RIC1: variants seen among roughly 807,000 people sequenced by gnomAD.
RIC1 encodes the protein guanine nucleotide exchange factor subunit RIC1.
A neutral mutation model predicts 169.0 loss-of-function variants in RIC1; 88 were observed. That is an observed-to-expected ratio of 0.52 (90% confidence interval 0.44 to 0.62). The LOEUF (loss-of-function observed/expected upper bound fraction) is 0.62, where lower values mean the gene tolerates loss of function less well. RIC1 is among the 20% of genes least tolerant of loss of function. RIC1 has a pLI of 0.00. For missense variants in RIC1, 1,877 were observed against 1,725.5 expected (o/e 1.09, Z -1.56); for synonymous variants, 790 against 601.5 (o/e 1.31, Z -4.59).
At chr9:5,670,612 T>C (rs888930210) in intron 2 of RIC1, among the ~76,000 whole-genome samples, 1 of 152,218 alleles carries the variant, frequency 6.6e-6, no homozygotes, top group Non-Finnish European at 1.5e-5. Context: ...CATTTTTATA[T>C]ATAAAATCCA....
chr9:5,724,363 C>G (rs1213319521), intron 6 of RIC1, among the ~76,000 whole-genome samples: 2 of 152,088 alleles, frequency 1.3e-5, no homozygotes, highest in African/African-American at 4.8e-5. Flanking sequence ...CTGTGTTTGT[C>G]TGTTATTGGT....
chr9:5,647,882 G>T (rs1818594537), intron 1 of RIC1, among the ~76,000 whole-genome samples: 1 of 143,654 alleles, frequency 7.0e-6, no homozygotes, highest in Non-Finnish European at 1.5e-5. Context: ...GTTACAAGTT[G>T]TTGTTTTGTT....
intron 2 of RIC1, among the ~76,000 whole-genome samples, chr9:5,678,850 T>G (rs1333113802): frequency 6.6e-6 from 1 of 152,168 alleles, no homozygotes; most frequent in Non-Finnish European, 1.5e-5. Context: ...TTAGTTGAAT[T>G]AGATCCCATT....
intron 3 of RIC1, among the ~76,000 whole-genome samples, chr9:5,703,380 A>G (rs1223060460): frequency 6.6e-6 from 1 of 152,212 alleles, no homozygotes; most frequent in Non-Finnish European, 1.5e-5. Flanking sequence ...AGCATTAAGT[A>G]CATTTACAGT....
chr9:5,714,591 A>G (rs1391583580), intron 4 of RIC1, among the ~76,000 whole-genome samples: 1 of 152,192 alleles, frequency 6.6e-6, no homozygotes. Context: ...CATTGTGTAG[A>G]TATAAGAAAA....
chr9:5,769,196 C>T lies in RIC1; in HGVS notation c.3364C>T (p.Leu1122Phe). 1 of 1,614,130 alleles carries T rather than the reference C, an allele frequency of 6.2e-7. No individual in the cohort carries two copies. The highest frequency in any genetic ancestry group is 8.5e-7 in the Non-Finnish European group (1 of 1,179,988). ...ACTCCACAAAGATTTCCTGTGGCCA[C>T]TTCCAATCATCCCAGCCTCTTCTAT... ...KRLHKDFLWP[L>F]PIIPASSISS... The change falls in exon 22 of 26, where the codon CTT becomes TTT. Residue 1122 changes from leucine (L) to phenylalanine (F), a missense_variant. By Grantham distance (22) the Leu-to-Phe change is conservative. This residue lies in a region of RIC1 where 681 missense variants were observed against 582.0 expected (regional missense o/e 1.17). Transcript: ENST00000414202.
rs1819339419 is a variant in RIC1 at position 5,659,782 on chromosome 9, G to A, written c.252+3092G>A. Among the ~76,000 whole-genome samples the A allele has an allele frequency of 2.0e-5, 3 of 151,990 alleles. No individual in the cohort carries two copies. In the South Asian group the frequency reaches 6.2e-4, roughly 32 times the overall value. ...TTTCTTTTTGATGCTATTGTAAATG[G>A]AATTGTTTTTAAGTTTCCTTTTCAG... On this transcript the variant is annotated intron_variant, in intron 2 of 25. Coordinates refer to ENST00000414202, the MANE Select transcript of RIC1 (RefSeq NM_020829.4).
chr9:5,705,142 G>A (rs992835500), intron 3 of RIC1, among the ~76,000 whole-genome samples: 1 of 150,350 alleles, frequency 6.7e-6, no homozygotes, highest in Non-Finnish European at 1.5e-5. Flanking sequence ...TTGGCTCTTC[G>A]GGGTTCCTTG....
chr9:5,706,404 A>G (rs1483511719), intron 3 of RIC1, among the ~76,000 whole-genome samples: 3 of 152,168 alleles, frequency 2.0e-5, no homozygotes, highest in African/African-American at 7.2e-5. Context: ...GTGAGCTGAG[A>G]TCGCACCACT....
chr9:5,688,876 C>G (rs1193787569), intron 2 of RIC1, among the ~76,000 whole-genome samples: 1 of 152,090 alleles, frequency 6.6e-6, no homozygotes, highest in Non-Finnish European at 1.5e-5. Flanking sequence ...GGGCAAAACA[C>G]TGCCACTTCA....
chr9:5,763,210 A>C lies in RIC1; in HGVS notation c.2183A>C (p.Lys728Thr). 6.2e-7 allele frequency: 1 copy of C among 1,614,086 alleles called. No individual in the cohort carries two copies. Among genetic ancestry groups the C allele is most frequent in the South Asian group, 1.1e-5 (1 of 91,072 alleles). Residue 728 changes from lysine (K) to threonine (T), a missense_variant, in exon 19 of 26, where the codon AAA becomes ACA. Transcript: ENST00000414202. The surrounding 1 kb of genome is among the most constrained non-coding windows in gnomAD (Gnocchi z 5.2). ...ENVWTTCRAN[K>T]QKRHLLEALW... ...GTCTGGACAACGTGTCGAGCAAATA[A>C]ACAGAAACGTCACCTTCTGGAGGCC...
chr9:5,723,101 T>C (rs1050843254), intron 6 of RIC1, among the ~76,000 whole-genome samples: 1 of 152,242 alleles, frequency 6.6e-6, no homozygotes, highest in African/African-American at 2.4e-5. Context: ...CAAATGATAT[T>C]TCTAGTTTTA....
chr9:5,772,509 G>A (rs1827289732), intron 23 of RIC1, 55 bp from the exon 24 acceptor site: 4 of 1,398,380 alleles, frequency 2.9e-6, no homozygotes, highest in Non-Finnish European at 3.9e-6. Flanking sequence ...TAAAATTAAA[G>A]GAAAATATAT....
At chr9:5,733,469 G>T (rs548852573) in intron 7 of RIC1, among the ~76,000 whole-genome samples, 22 of 151,934 alleles carry the variant, frequency 1.4e-4, no homozygotes, top group African/African-American at 5.1e-4. Context: ...GCATTTCACC[G>T]TGTTTGGCCA....
intron 16 of RIC1, 117 bp from the exon 17 acceptor site, chr9:5,757,196 G>GA: frequency 4.3e-6 from 5 of 1,158,752 alleles, no homozygotes; most frequent in Non-Finnish European, 6.3e-6. Context: ...AAGATGATAG[G>GA]TAGTAAGACA....
At chr9:5,742,816 AGTAT>A in intron 8 of RIC1, 49 bp from the exon 9 acceptor site, 2 of 1,479,584 alleles carry the variant, frequency 1.4e-6, no homozygotes, top group Non-Finnish European at 9.2e-7. Flanking sequence ...AAAAAAAACA[AGTAT>A]TTCTGAAGCA....
chr9:5,761,015 A>G (rs1826296088), intron 17 of RIC1, among the ~76,000 whole-genome samples: 1 of 151,784 alleles, frequency 6.6e-6, no homozygotes, highest in East Asian at 1.9e-4. Flanking sequence ...TTGTCTTCCA[A>G]AAGCTCAGGT....
intron 1 of RIC1, among the ~76,000 whole-genome samples, chr9:5,654,296 G>C (rs1360028779): frequency 2.6e-5 from 4 of 152,092 alleles, no homozygotes; most frequent in Non-Finnish European, 5.9e-5. Context: ...ACCCAGGCTG[G>C]AGTGCAATGG....
intron 1 of RIC1, among the ~76,000 whole-genome samples, chr9:5,644,661 G>A (rs2130346137): frequency 6.6e-6 from 1 of 152,208 alleles, no homozygotes; most frequent in Non-Finnish European, 1.5e-5. Context: ...TTCACCAGTT[G>A]ACAGGTATTT....
Sources: allele counts gnomAD v4.1 joint callset (sites outside exome capture counted in the v4.1 genomes callset), GRCh38; gene constraint gnomAD v4.1.1; regional missense constraint gnomAD v4.1.1; non-coding constraint Gnocchi (gnomAD v3.1); transcripts MANE v1.5; gene names NCBI Gene and HGNC (gene_info 2026-07-23, HGNC 2026-07-21).